The following DST variants were observed in gnomAD, a reference collection of about 807,000 sequenced individuals.
DST encodes the protein bullous pemphigoid antigen.
In DST, 253 loss-of-function variants were observed where a neutral mutation model predicts 875.2. That is an observed-to-expected ratio of 0.29 (90% CI 0.26 to 0.32). The LOEUF is 0.32. DST is among the 10% of genes least tolerant of loss of function. The pLI, the probability that DST is intolerant of heterozygous loss-of-function variation, is 1.00. For missense variants in DST, 8,287 were observed against 9,111.6 expected, an observed-to-expected ratio of 0.91 and a Z score of 3.68; for synonymous variants, 3,124 against 3,197.1, an observed-to-expected ratio of 0.98 and a Z score of 0.77.
chr6:56,912,126 C>T (rs1444456263), intron 2 of DST, among the ~76,000 whole-genome samples: 1 of 152,148 alleles, frequency 6.6e-6, no homozygotes, highest in Non-Finnish European at 1.5e-5. Flanking sequence ...GTATCCTTTG[C>T]CCCAACAAAT....
chr6:56,927,703 C>T (rs1159385779), intron 2 of DST, among the ~76,000 whole-genome samples: 1 of 152,084 alleles, frequency 6.6e-6, no homozygotes, highest in Non-Finnish European at 1.5e-5. Context: ...AAATGAGCAA[C>T]TGATCTTGAC....
chr6:56,899,350 T>C (rs1296613007), intron 3 of DST, among the ~76,000 whole-genome samples: 2 of 152,222 alleles, frequency 1.3e-5, no homozygotes, highest in Admixed American at 6.5e-5. Context: ...TTTCTAAATA[T>C]GTACTTTTTT....
chr6:56,476,958 G>C (rs957446425), intron 91 of DST, among the ~76,000 whole-genome samples: 3 of 144,074 alleles, frequency 2.1e-5, no homozygotes. Context: ...TCAAAAGAAA[G>C]AAAAAAAAAA....
intron 10 of DST, among the ~76,000 whole-genome samples, chr6:56,667,644 T>C (rs535614221): frequency 1.3e-5 from 2 of 152,268 alleles, no homozygotes; most frequent in Admixed American, 6.5e-5. Context: ...AGCTAAACAT[T>C]GTTCTAAAAA....
chr6:56,631,429 C>T, intron 29 of DST, 40 bp from the exon 30 acceptor site: 1 of 1,560,528 alleles, frequency 6.4e-7, no homozygotes, highest in Non-Finnish European at 8.8e-7. Context: ...AGGCCATCAC[C>T]TGTGATGAGG....
At chr6:56,944,976 C>T (rs1369393288) in intron 2 of DST, among the ~76,000 whole-genome samples, 1 of 152,162 alleles carries the variant, frequency 6.6e-6, no homozygotes, top group Non-Finnish European at 1.5e-5. Context: ...GACACCATAT[C>T]TGTAACTGTG....
intron 72 of DST, among the ~76,000 whole-genome samples, chr6:56,513,994 T>C (rs2096538227): frequency 6.6e-6 from 1 of 152,212 alleles, no homozygotes; most frequent in South Asian, 2.1e-4. Flanking sequence ...AGGCTACAAA[T>C]ATTCTGCAAC....
chr6:56,739,145 T>C (rs1227717137), intron 4 of DST, among the ~76,000 whole-genome samples: 4 of 149,052 alleles, frequency 2.7e-5, no homozygotes, highest in Non-Finnish European at 5.9e-5. Context: ...AATGCCTCTA[T>C]GCGCTCAACA....
At chr6:56,693,112 T>G in intron 9 of DST, 1 of 1,288,938 alleles carries the variant, frequency 7.8e-7, no homozygotes, top group Non-Finnish European at 1.0e-6. Context: ...ATATTGTTCT[T>G]CTTTCTCAGC....
At chr6:56,511,841 G>A (rs1331811015) in intron 72 of DST, among the ~76,000 whole-genome samples, 1 of 151,870 alleles carries the variant, frequency 6.6e-6, no homozygotes. Context: ...AAGAGAGAGA[G>A]AGAGAGACAA....
At chr6:56,776,030 C>T (rs1237157834) in intron 4 of DST, among the ~76,000 whole-genome samples, 2 of 152,236 alleles carry the variant, frequency 1.3e-5, no homozygotes, top group South Asian at 4.2e-4. Flanking sequence ...CAAACTTTAC[C>T]GCAGTCAGGT....
intron 55 of DST, among the ~76,000 whole-genome samples, chr6:56,567,421 A>G (rs71564844): frequency 3.6e-5 from 5 of 139,758 alleles, no homozygotes; most frequent in Non-Finnish European, 6.3e-5. Flanking sequence ...CTTGGTAGTT[A>G]CCAAGAGTAA....
intron 8 of DST, among the ~76,000 whole-genome samples, chr6:56,701,496 A>G (rs982682349): frequency 6.7e-6 from 1 of 150,114 alleles, no homozygotes; most frequent in African/African-American, 2.5e-5. Flanking sequence ...TTTTATAAAA[A>G]TTAACTATTT....
chr6:56,820,472 A>C (rs1337444569), intron 4 of DST, among the ~76,000 whole-genome samples: 1 of 152,218 alleles, frequency 6.6e-6, no homozygotes, highest in Admixed American at 6.5e-5. Flanking sequence ...ATAAATATTC[A>C]AAACTCATCA....
At position 56,459,153 on chromosome 6, in the gene DST, G is replaced by A; in HGVS notation, c.23309C>T (p.Ser7770Phe). The A allele has an allele frequency of 6.2e-7, 1 of 1,613,978 alleles. No homozygotes were observed. The highest frequency in any genetic ancestry group is 8.5e-7 in the Non-Finnish European group (1 of 1,179,892). Residue 7770 changes from serine to phenylalanine, a missense_variant, in exon 104 of 104, where the codon TCC becomes TTC. Ser to Phe is a radical substitution (Grantham distance 155). Coordinates refer to ENST00000680361, the MANE Select transcript of DST (RefSeq NM_001374736.1). ...GACAGTTTCCACATCTGAGCACACG[G>A]ACTGGATTTCTGAAATGTCAAAGTC... ...ASDFDISEIQ[S>F]VCSDVETVPQ...
intron 4 of DST, among the ~76,000 whole-genome samples, chr6:56,835,016 A>G (rs995748752): frequency 6.6e-6 from 1 of 152,256 alleles, no homozygotes; most frequent in African/African-American, 2.4e-5. Flanking sequence ...CAATAAAAAG[A>G]GATGAGCTAT....
At chr6:56,805,279 T>C (rs1036025370) in intron 4 of DST, among the ~76,000 whole-genome samples, 2 of 152,182 alleles carry the variant, frequency 1.3e-5, no homozygotes, top group African/African-American at 2.4e-5. Context: ...TTAGTTTATA[T>C]AGAAACAAGG....
chr6:56,517,073 A>T, intron 71 of DST, 125 bp downstream of exon 71: 1 of 732,298 alleles, frequency 1.4e-6, no homozygotes. Flanking sequence ...GCCTTATTTA[A>T]ACTAATTATT....
At chr6:56,935,724 G>A (rs1227608272) in intron 2 of DST, among the ~76,000 whole-genome samples, 13 of 152,070 alleles carry the variant, frequency 8.5e-5, no homozygotes, top group Admixed American at 8.5e-4. Flanking sequence ...TCAAGAGATC[G>A]AGACCATCCT....
Sources: allele counts gnomAD v4.1 joint callset (sites outside exome capture counted in the v4.1 genomes callset), GRCh38; gene constraint gnomAD v4.1.1; transcripts MANE v1.5; gene names NCBI Gene and HGNC (gene_info 2026-07-23, HGNC 2026-07-21).